LRRTM3: variants seen among roughly 807,000 people sequenced by gnomAD.
LRRTM3 encodes the protein leucine rich repeat transmembrane neuronal 3.
Under a neutral mutation model 44.7 loss-of-function variants are expected in LRRTM3, and 24 were observed. The ratio of observed to expected loss-of-function variants is 0.54; its 90% CI spans 0.39 to 0.76. The LOEUF (loss-of-function observed/expected upper bound fraction) is 0.76. Ranked by LOEUF, LRRTM3 falls within the 30% of genes least tolerant of loss-of-function variation. The pLI is 0.00. For missense variants in LRRTM3, 587 were observed against 702.2 expected, an observed-to-expected ratio of 0.84 and a Z score of 1.85; for synonymous variants, 277 against 278.7, an observed-to-expected ratio of 0.99 and a Z score of 0.06.
chr10:67,057,289 C>T (rs1564860386), intron 2 of LRRTM3, among the ~76,000 whole-genome samples: 1 of 152,020 alleles, frequency 6.6e-6, no homozygotes, highest in Admixed American at 6.6e-5. Flanking sequence ...GCTGAGAATA[C>T]TTAGGTTCCA....
At chr10:67,065,414 T>TAC (rs1477430048) in intron 2 of LRRTM3, among the ~76,000 whole-genome samples, 1 of 152,166 alleles carries the variant, frequency 6.6e-6, no homozygotes, top group Non-Finnish European at 1.5e-5. Context: ...CTCAACCCTT[T>TAC]ACATAAATTA....
rs10997471 is a variant in LRRTM3, at chr10:66,990,957, C to T, written c.1536+62505C>T. 4.7e-3 allele frequency among the ~76,000 whole-genome samples: 720 copies of T among 152,232 alleles called. 2 individuals carry two copies. The highest frequency in any genetic ancestry group is 7.6e-3 in the Non-Finnish European group (519 of 68,000). The stretch of plus-strand genomic sequence containing the variant: ...CATCATTATTCCTATGAACATTTAA[C>T]AGTTTTTGAGTAATCATGATGGCAT... On this transcript the variant is annotated intron_variant, in intron 2 of 2. Transcript: ENST00000361320.
intron 2 of LRRTM3, among the ~76,000 whole-genome samples, chr10:67,059,534 T>C (rs1027590588): frequency 3.9e-5 from 6 of 152,214 alleles, no homozygotes; most frequent in African/African-American, 1.4e-4. Flanking sequence ...AAGGATGATA[T>C]GTCGTCAAAG....
intron 2 of LRRTM3, among the ~76,000 whole-genome samples, chr10:66,972,913 T>C (rs993261927): frequency 3.3e-5 from 5 of 152,078 alleles, no homozygotes; most frequent in Non-Finnish European, 2.9e-5. Context: ...GGTTTCACCA[T>C]GTTGACAAGT....
intron 2 of LRRTM3, among the ~76,000 whole-genome samples, chr10:67,002,692 C>T (rs886372248): frequency 6.6e-6 from 1 of 151,722 alleles, no homozygotes; most frequent in Non-Finnish European, 1.5e-5. Context: ...AACTTGTTTC[C>T]AAAAATCAGG....
At chr10:67,076,424 T>C (rs1195748099) in intron 2 of LRRTM3, among the ~76,000 whole-genome samples, 1 of 152,192 alleles carries the variant, frequency 6.6e-6, no homozygotes, top group Non-Finnish European at 1.5e-5. Flanking sequence ...TGCATCATAA[T>C]CCACAATCAC....
At chr10:67,005,516 T>C (rs1851915829) in intron 2 of LRRTM3, among the ~76,000 whole-genome samples, 1 of 151,926 alleles carries the variant, frequency 6.6e-6, no homozygotes, top group Non-Finnish European at 1.5e-5. Flanking sequence ...TGTAGACTAG[T>C]GACTTCCCAG....
intron 2 of LRRTM3, among the ~76,000 whole-genome samples, chr10:66,991,288 C>A (rs1346645443): frequency 6.6e-6 from 1 of 152,100 alleles, no homozygotes; most frequent in Non-Finnish European, 1.5e-5. Context: ...CTTATCAAGA[C>A]ATATATTTCT....
At chr10:67,088,767 GTC>G (rs1259321554) in intron 2 of LRRTM3, among the ~76,000 whole-genome samples, 1 of 151,786 alleles carries the variant, frequency 6.6e-6, no homozygotes, top group African/African-American at 2.4e-5. Flanking sequence ...AAAATATTTT[GTC>G]TCTCATTATT....
At chr10:66,986,620 C>T (rs1322683715) in intron 2 of LRRTM3, among the ~76,000 whole-genome samples, 2 of 152,106 alleles carry the variant, frequency 1.3e-5, no homozygotes, top group Non-Finnish European at 2.9e-5. Flanking sequence ...CAAAATGATA[C>T]CTCATTTTAC....
At chr10:67,017,872 C>A (rs1380657560) in intron 2 of LRRTM3, among the ~76,000 whole-genome samples, 1 of 151,982 alleles carries the variant, frequency 6.6e-6, no homozygotes, top group Admixed American at 6.6e-5. Context: ...AGGGTTCAAG[C>A]GATTCTCCTG....
intron 2 of LRRTM3, among the ~76,000 whole-genome samples, chr10:66,972,245 T>C (rs938782205): frequency 2.6e-5 from 4 of 152,204 alleles, no homozygotes; most frequent in Non-Finnish European, 5.9e-5. Context: ...CCTCCTTCAT[T>C]ATTCGGCTTC....
chr10:67,097,884 A>G lies in LRRTM3; in HGVS notation c.*88A>G, dbSNP rs1230177325. On this transcript the variant is annotated 3_prime_UTR_variant, in exon 3 of 3. Coordinates refer to ENST00000361320, the MANE Select transcript of LRRTM3 (RefSeq NM_178011.5). The stretch of plus-strand genomic sequence containing the variant: ...AGATGTGTTCATTGTGGACTCTAAA[A>G]ACAAAACAAAACACAAAATCCCCTG... 1.8e-6 allele frequency: 2 copies of G among 1,099,868 alleles called. No homozygotes were observed. Among genetic ancestry groups the G allele is most frequent in the South Asian group, 1.4e-5 (1 of 71,392 alleles). 68.1% of individuals were successfully genotyped at this position (1,099,868 alleles called of 1,614,324 possible).
At chr10:67,058,353 C>T (rs118025724) in intron 2 of LRRTM3, among the ~76,000 whole-genome samples, 86 of 152,284 alleles carry the variant, frequency 5.6e-4, no homozygotes, top group Middle Eastern at 3.4e-3. Flanking sequence ...TTATGTATTA[C>T]ATTGGTTTCA....
intron 2 of LRRTM3, among the ~76,000 whole-genome samples, chr10:66,999,917 G>A: frequency 6.6e-6 from 1 of 152,162 alleles, no homozygotes; most frequent in East Asian, 1.9e-4. Flanking sequence ...CATCTGATTT[G>A]TTGTGTTGGC....
At chr10:66,977,697 T>C (rs997671154) in intron 2 of LRRTM3, among the ~76,000 whole-genome samples, 1 of 152,208 alleles carries the variant, frequency 6.6e-6, no homozygotes, top group Non-Finnish European at 1.5e-5. Context: ...GATAGCTATC[T>C]ACTATTGTTA....
chr10:66,987,047 C>T (rs1188632783), intron 2 of LRRTM3, among the ~76,000 whole-genome samples: 2 of 152,046 alleles, frequency 1.3e-5, no homozygotes, highest in African/African-American at 4.8e-5. Flanking sequence ...ACAAGATTTT[C>T]TGGAGAGAAA....
chr10:66,986,285 G>A (rs1850724148), intron 2 of LRRTM3, among the ~76,000 whole-genome samples: 2 of 152,026 alleles, frequency 1.3e-5, no homozygotes, highest in African/African-American at 4.8e-5. Flanking sequence ...TTCACTTGAG[G>A]CCACGAGTTC....
rs377081011 is a variant in LRRTM3, at chr10:67,027,309, T to A, written c.1537-70278T>A. Among the ~76,000 whole-genome samples, 17 of 152,324 alleles carry A rather than the reference T, an allele frequency of 1.1e-4. No homozygotes were observed. The South Asian group carries it at 3.1e-3, about 28-fold the overall frequency. On this transcript the variant is annotated intron_variant, in intron 2 of 2. Coordinates refer to ENST00000361320, the MANE Select transcript of LRRTM3 (RefSeq NM_178011.5). ...TCCCCTCGTGGAACTCACTGAAAGT[T>A]TTACATCTGACATTCAACTGACATT...
Sources: gnomAD v4.1 joint callset for allele counts (sites outside exome capture counted in the v4.1 genomes callset) on GRCh38, gnomAD v4.1.1 for gene constraint, MANE v1.5 for transcripts, NCBI Gene and HGNC (gene_info 2026-07-23, HGNC 2026-07-21) for gene names.